AK3: variants seen among roughly 807,000 people sequenced by gnomAD.
AK3 encodes the protein GTP:AMP phosphotransferase AK3, mitochondrial.
AK3 carries 27 observed loss-of-function variants against 23.7 expected under a neutral mutation model. That is an observed-to-expected ratio of 1.14 (90% CI 0.84 to 1.57). The LOEUF is 1.57. Ranked by LOEUF, AK3 falls within the 40% of genes most tolerant of loss-of-function variation. AK3 has a pLI of 0.00. For synonymous variants in AK3, 159 were observed against 116.0 expected (o/e 1.37, Z -2.38); for missense variants, 406 against 285.6 (o/e 1.42, Z -3.04).
At chr9:4,733,041 G>A (rs1842191590) in intron 1 of AK3, among the ~76,000 whole-genome samples, 1 of 151,676 alleles carries the variant, frequency 6.6e-6, no homozygotes, top group Non-Finnish European at 1.5e-5. Context: ...AGAGATAGGG[G>A]TCTCACTATG....
chr9:4,738,122 G>A (rs1049616379), intron 1 of AK3, among the ~76,000 whole-genome samples: 3 of 152,088 alleles, frequency 2.0e-5, no homozygotes, highest in Non-Finnish European at 4.4e-5. Context: ...AACAACATAC[G>A]CGTCCAATAA....
chr9:4,725,819 T>C (rs1389556318), intron 1 of AK3, among the ~76,000 whole-genome samples: 3 of 152,160 alleles, frequency 2.0e-5, no homozygotes, highest in Non-Finnish European at 4.4e-5. Context: ...GAACACATGA[T>C]CAACGTCCTT....
At position 4,718,514 on chromosome 9, in the gene AK3, C is replaced by T. The variant is rs760817849; in HGVS notation, c.468G>A (p.Glu156=). The change falls in exon 4 of 5, where the codon GAG becomes GAA. Residue 156 remains glutamate, a synonymous_variant. Transcript: ENST00000381809. ...KTVGIDDLTG[E]PLIQREDDKP... is the part of the protein sequence containing the mutation. ...TATCATCCTCACGCTGAATGAGAGGCTCCCCAGTCAGGTCATCAATGCCCT... is the reference window on the plus strand; with the variant it reads ...TATCATCCTCACGCTGAATGAGAGGTTCCCCAGTCAGGTCATCAATGCCCT... 1.5e-5 allele frequency: 24 copies of T among 1,613,570 alleles called. No individual in the cohort carries two copies. The Admixed American group carries it at 2.7e-4, about 18-fold the overall frequency.
chr9:4,718,822 C>G (rs908548069), intron 3 of AK3, among the ~76,000 whole-genome samples: 1 of 152,146 alleles, frequency 6.6e-6, no homozygotes, highest in Non-Finnish European at 1.5e-5. Flanking sequence ...CAGCTATAAA[C>G]TTGGAATTTC....
chr9:4,738,410 C>G (rs1842346402), intron 1 of AK3, among the ~76,000 whole-genome samples: 1 of 152,148 alleles, frequency 6.6e-6, no homozygotes, highest in African/African-American at 2.4e-5. Context: ...TGGTGATTCA[C>G]CCACCTCAGC....
intron 1 of AK3, among the ~76,000 whole-genome samples, chr9:4,725,958 A>G (rs952717809): frequency 3.9e-5 from 6 of 152,198 alleles, no homozygotes; most frequent in African/African-American, 1.4e-4. Flanking sequence ...GACTACCACA[A>G]TAAAGTGAAT....
In AK3 at chr9:4,711,681, C is replaced by G. The variant is rs1252466779; in HGVS notation, c.*1295G>C. On this transcript the variant is annotated 3_prime_UTR_variant, in exon 5 of 5. Transcript: ENST00000381809. The stretch of plus-strand genomic sequence containing the variant: ...GTAAATATGCCATGGAAGACATAAT[C>G]AAGTTTTTCCTCCATCTCTCATATT... The G allele has an allele frequency of 6.6e-6, 1 of 152,152 alleles. No individual in the cohort carries two copies. Among genetic ancestry groups the G allele is most frequent in the African/African-American group, 2.4e-5 (1 of 41,410 alleles). 9.4% of individuals were successfully genotyped at this position (152,152 alleles called of 1,614,324 possible). A position where few individuals can be genotyped will look rare whatever the true frequency, so the allele number is the denominator to read the frequency against.
intron 1 of AK3, among the ~76,000 whole-genome samples, chr9:4,739,011 T>G (rs1179330737): frequency 6.6e-6 from 1 of 151,962 alleles, no homozygotes; most frequent in Admixed American, 6.6e-5. Context: ...TGACCTCAAG[T>G]GACCTGCCCG....
rs114239447 is a variant in AK3 at position 4,721,272 on chromosome 9, G to A, written c.271+1234C>T. ...ACAAAAATTAGCCACGTGTGCTGGTGGGCACCTGTAATCCCAGCTACTCAG... is the reference window on the plus strand; with the variant it reads ...ACAAAAATTAGCCACGTGTGCTGGTAGGCACCTGTAATCCCAGCTACTCAG... On this transcript the variant is annotated intron_variant, in intron 2 of 4. Coordinates refer to ENST00000381809, the MANE Select transcript of AK3 (RefSeq NM_016282.4). Among the ~76,000 whole-genome samples, 1,222 of 151,782 alleles carry A rather than the reference G, an allele frequency of 8.1e-3. 16 individuals carry two copies. The highest frequency in any genetic ancestry group is 0.028 in the African/African-American group (1,175 of 41,384).
At chr9:4,728,866 T>TATATATATAC (rs1395790351) in intron 1 of AK3, among the ~76,000 whole-genome samples, 1 of 87,894 alleles carries the variant, frequency 1.1e-5, no homozygotes, top group African/African-American at 3.8e-5. Context: ...TATATATATA[T>TATATATATAC]ACACACACAC....
In AK3 at chr9:4,711,155, T is replaced by A. The variant is rs191099398; in HGVS notation, c.*1821A>T. The A allele has an allele frequency of 1.4e-3, 215 of 152,468 alleles. 2 individuals are homozygous for A. Among genetic ancestry groups the A allele is most frequent in the African/African-American group, 4.8e-3 (201 of 41,566 alleles). 9.4% of individuals were successfully genotyped at this position (152,468 alleles called of 1,614,324 possible). On this transcript the variant is annotated 3_prime_UTR_variant, in exon 5 of 5. Coordinates refer to ENST00000381809, the MANE Select transcript of AK3 (RefSeq NM_016282.4). ...TATTGCATAAACTGAAACCAGCCTA[T>A]GGACTGTTTTAAGATCATTTATTAG...
intron 1 of AK3, among the ~76,000 whole-genome samples, chr9:4,737,064 GT>G (rs371174969): frequency 1.4e-5 from 2 of 146,588 alleles, no homozygotes; most frequent in African/African-American, 2.5e-5. Context: ...TTCTACCATA[GT>G]TGAACTATTA....
intron 1 of AK3, among the ~76,000 whole-genome samples, chr9:4,728,156 T>C (rs1223560737): frequency 6.6e-6 from 1 of 152,150 alleles, no homozygotes. Context: ...AAATGGGAAG[T>C]GCGTACTTGT....
chr9:4,737,020 C>T (rs914903880), intron 1 of AK3, among the ~76,000 whole-genome samples: 1 of 151,978 alleles, frequency 6.6e-6, no homozygotes. Flanking sequence ...GTGCAGCTTT[C>T]TCAGACTAAG....
At chr9:4,739,734 A>C (rs1426459514) in intron 1 of AK3, among the ~76,000 whole-genome samples, 3 of 152,040 alleles carry the variant, frequency 2.0e-5, no homozygotes, top group Non-Finnish European at 4.4e-5. Flanking sequence ...GATGGGGACC[A>C]GCCTGGCTAA....
At chr9:4,736,064 GAGATCGTGCCACTGCA>G (rs1343053329) in intron 1 of AK3, among the ~76,000 whole-genome samples, 1 of 147,196 alleles carries the variant, frequency 6.8e-6, no homozygotes, top group Non-Finnish European at 1.5e-5. Flanking sequence ...ACAGTGAGCC[GAGATCGTGCCACTGCA>G]CTCCAGCCTA....
chr9:4,731,398 C>G (rs544044564), intron 1 of AK3, among the ~76,000 whole-genome samples: 91 of 152,232 alleles, frequency 6.0e-4, no homozygotes, highest in African/African-American at 2.1e-3. Flanking sequence ...CGTTAGTTTG[C>G]TAAGGATAAA....
chr9:4,728,552 C>T (rs944709372), intron 1 of AK3, among the ~76,000 whole-genome samples: 1 of 152,104 alleles, frequency 6.6e-6, no homozygotes, highest in Admixed American at 6.6e-5. Flanking sequence ...GCCTGGGCAA[C>T]AGAGTGAAAC....
At chr9:4,723,798 T>C (rs533876860) in intron 1 of AK3, among the ~76,000 whole-genome samples, 1 of 152,344 alleles carries the variant, frequency 6.6e-6, no homozygotes, top group South Asian at 2.1e-4. Context: ...TGTAAATTAG[T>C]CTTGATTTTT....
Sources: allele counts gnomAD v4.1 joint callset (sites outside exome capture counted in the v4.1 genomes callset), GRCh38; gene constraint gnomAD v4.1.1; transcripts MANE v1.5; gene names NCBI Gene and HGNC (gene_info 2026-07-23, HGNC 2026-07-21).